The following HDAC9 variants were observed in gnomAD, a reference collection of about 807,000 sequenced individuals.
HDAC9 encodes the protein histone deacetylase 9.
HDAC9 carries 41 observed loss-of-function variants against 139.4 expected under a neutral mutation model. The observed-to-expected ratio is 0.29, with a 90% CI of 0.23 to 0.38. The LOEUF (loss-of-function observed/expected upper bound fraction) is 0.38, where lower values mean the gene tolerates loss of function less well. HDAC9 is among the 10% of genes least tolerant of loss of function. The probability of loss-of-function intolerance (pLI) is 1.00; values close to 1 mark genes in which losing one functional copy is unlikely to be tolerated. For synonymous variants in HDAC9, 517 were observed against 476.2 expected (o/e 1.09, Z -1.12); for missense variants, 1,147 against 1,297.0 (o/e 0.88, Z 1.78).
At chr7:18,595,485 A>G (rs1832213944) in intron 6 of HDAC9, among the ~76,000 whole-genome samples, 2 of 152,092 alleles carry the variant, frequency 1.3e-5, no homozygotes, top group African/African-American at 4.8e-5. Flanking sequence ...TTTGATCTGC[A>G]GGCTTGACAT....
At chr7:18,773,171 G>A (rs1046808547) in intron 16 of HDAC9, among the ~76,000 whole-genome samples, 57 of 151,854 alleles carry the variant, frequency 3.8e-4, no homozygotes, top group Non-Finnish European at 1.5e-5. Context: ...TTGACATTAT[G>A]GCTAAGTACA....
intron 22 of HDAC9, among the ~76,000 whole-genome samples, chr7:18,924,232 G>T (rs1031527098): frequency 2.0e-5 from 3 of 151,598 alleles, no homozygotes; most frequent in Admixed American, 6.6e-5. Flanking sequence ...TATTCTTTAA[G>T]TATTTCTATT....
At chr7:18,192,062 A>G (rs1043627119) in intron 2 of HDAC9, among the ~76,000 whole-genome samples, 1 of 152,132 alleles carries the variant, frequency 6.6e-6, no homozygotes, top group Non-Finnish European at 1.5e-5. Context: ...AAGTCAACTC[A>G]TTTTTCACCA....
intron 22 of HDAC9, 31 bp from the exon 23 acceptor site, chr7:18,935,778 A>G (rs771110987): frequency 1.9e-6 from 3 of 1,600,446 alleles, no homozygotes; most frequent in East Asian, 4.5e-5. Flanking sequence ...TTGATTTAAT[A>G]CTTTGAAATG....
intron 25 of HDAC9, among the ~76,000 whole-genome samples, chr7:18,993,699 A>T (rs1264868127): frequency 6.6e-6 from 1 of 151,928 alleles, no homozygotes; most frequent in East Asian, 1.9e-4. Context: ...GCTATTCGGG[A>T]TACTGAGGTA....
chr7:18,942,926 A>G (rs1393784755), intron 23 of HDAC9, among the ~76,000 whole-genome samples: 3 of 152,042 alleles, frequency 2.0e-5, no homozygotes, highest in African/African-American at 7.2e-5. Context: ...GTATCATACA[A>G]AATCTCTTTA....
At chr7:18,778,170 C>T (rs952316163) in intron 16 of HDAC9, among the ~76,000 whole-genome samples, 7 of 151,880 alleles carry the variant, frequency 4.6e-5, no homozygotes, top group African/African-American at 1.7e-4. Context: ...ACTCCTTTCC[C>T]AAGTGAGAAT....
chr7:18,733,249 G>A (rs535035170), intron 13 of HDAC9, among the ~76,000 whole-genome samples: 42 of 146,474 alleles, frequency 2.9e-4, no homozygotes, highest in African/African-American at 9.5e-4. Flanking sequence ...GTGTATATAT[G>A]TATATAATGT....
chr7:18,407,399 G>A (rs1376621106), intron 1 of HDAC9, among the ~76,000 whole-genome samples: 1 of 152,160 alleles, frequency 6.6e-6, no homozygotes, highest in East Asian at 1.9e-4. Flanking sequence ...TATGTATTGT[G>A]TTCTAATGTC....
chr7:18,553,031 T>A (rs1817644094), intron 2 of HDAC9, among the ~76,000 whole-genome samples: 1 of 152,210 alleles, frequency 6.6e-6, no homozygotes, highest in Admixed American at 6.5e-5. Flanking sequence ...TCTTCTACTT[T>A]TGAACTAGGT....
chr7:18,142,498 G>C (rs1277789760), intron 1 of HDAC9, among the ~76,000 whole-genome samples: 1 of 152,184 alleles, frequency 6.6e-6, no homozygotes, highest in Admixed American at 6.5e-5. Context: ...GGAGACATCT[G>C]TTCTGTTGTT....
intron 1 of HDAC9, among the ~76,000 whole-genome samples, chr7:18,366,627 C>T (rs905060416): frequency 3.9e-4 from 59 of 152,012 alleles, no homozygotes; most frequent in African/African-American, 1.4e-3. Context: ...TTTTCTTTAT[C>T]CTTCAAAAAA....
chr7:18,968,267 A>G (rs999275019), intron 24 of HDAC9, among the ~76,000 whole-genome samples: 2 of 152,226 alleles, frequency 1.3e-5, no homozygotes, highest in African/African-American at 2.4e-5. Context: ...ATCTATAGTA[A>G]TATTGAACCA....
At chr7:18,513,639 A>G (rs554011594) in intron 2 of HDAC9, among the ~76,000 whole-genome samples, 5 of 152,290 alleles carry the variant, frequency 3.3e-5, no homozygotes, top group South Asian at 2.1e-4. Flanking sequence ...TTTCAACACA[A>G]TAGAGAGGAT....
At chr7:18,363,604 A>T (rs967449419) in intron 1 of HDAC9, among the ~76,000 whole-genome samples, 4 of 152,176 alleles carry the variant, frequency 2.6e-5, no homozygotes, top group African/African-American at 7.2e-5. Context: ...TTCACTAAGA[A>T]CCACTAAGTT....
intron 2 of HDAC9, among the ~76,000 whole-genome samples, chr7:18,207,502 G>C (rs867888069): frequency 7.5e-6 from 1 of 133,866 alleles, no homozygotes; most frequent in Non-Finnish European, 1.6e-5. Context: ...GAACTCCTGG[G>C]CTCAAGCTGT....
chr7:18,376,689 TCC>T (rs1196288415), intron 1 of HDAC9, among the ~76,000 whole-genome samples: 4 of 152,066 alleles, frequency 2.6e-5, no homozygotes, highest in Non-Finnish European at 5.9e-5. Flanking sequence ...GAAGCTAAGG[TCC>T]AGTTAATAAT....
At position 18,727,635 on chromosome 7, in the gene HDAC9, C is replaced by T. The variant is rs376591834; in HGVS notation, c.1787C>T (p.Ala596Val). The T allele has an allele frequency of 8.2e-6, 13 of 1,587,886 alleles. No individual in the cohort carries two copies. In the African/African-American group the frequency reaches 1.5e-4, roughly 18 times the overall value. The change falls in exon 13 of 26, where the codon GCT becomes GTT. Residue 596 changes from alanine to valine, a missense_variant. By Grantham distance (64) the Ala-to-Val change is moderately conservative. Transcript: ENST00000686413. ...CTCTCTGTGCGCCAAGCTCCGCTGG[C>T]TGCGGTTGGCATGGATGGATTAGAG... ...RALSVRQAPL[A>V]AVGMDGLEKH...
intron 1 of HDAC9, among the ~76,000 whole-genome samples, chr7:18,149,166 T>C (rs73315775): frequency 0.024 from 3,593 of 152,232 alleles, 141 homozygotes; most frequent in African/African-American, 0.081. Flanking sequence ...CATCTTTCCA[T>C]ATAATTATTA....
Sources: allele counts gnomAD v4.1 joint callset (sites outside exome capture counted in the v4.1 genomes callset), GRCh38; gene constraint gnomAD v4.1.1; transcripts MANE v1.5; gene names NCBI Gene and HGNC (gene_info 2026-07-23, HGNC 2026-07-21).